Variants in ADARB2 observed in about 807,000 individuals in gnomAD.
ADARB2 encodes adenosine deaminase RNA specific B2 (inactive), also known as inactive double-stranded RNA-specific editase B2.
A neutral mutation model predicts 62.2 loss-of-function variants in ADARB2; 25 were observed. The observed-to-expected ratio is 0.40, with a 90% confidence interval of 0.29 to 0.56. ADARB2 has a LOEUF of 0.56. Ranked by LOEUF, ADARB2 falls within the 20% of genes least tolerant of loss-of-function variation. The pLI, the probability that ADARB2 is intolerant of heterozygous loss-of-function variation, is 0.43. For missense variants in ADARB2, 1,071 were observed against 1,077.4 expected (o/e 0.99, Z 0.08); for synonymous variants, 572 against 500.8 (o/e 1.14, Z -1.90).
chr10:1,287,354 C>T (rs1294822896), intron 3 of ADARB2, among the ~76,000 whole-genome samples: 1 of 152,208 alleles, frequency 6.6e-6, no homozygotes, highest in African/African-American at 2.4e-5. Context: ...ATCAGGCTGA[C>T]ATAGCCACCA....
At chr10:1,730,855 T>G (rs1416460723) in intron 1 of ADARB2, among the ~76,000 whole-genome samples, 1 of 152,222 alleles carries the variant, frequency 6.6e-6, no homozygotes, top group African/African-American at 2.4e-5. Flanking sequence ...ATGTATTTTA[T>G]AACCCAAAGA....
chr10:1,426,459 C>T lies in ADARB2; in HGVS notation c.101-47299G>A, dbSNP rs950803464. On this transcript the variant is annotated intron_variant, in intron 1 of 9. Transcript: ENST00000381312. The surrounding 1 kb of genome is among the most constrained non-coding windows in gnomAD (Gnocchi z 4.1). ...CTTCTGCGTGGCGATTTGGAGAACA[C>T]AGTCAGCATGCACACACATCATTCT... 2.6e-5 allele frequency among the ~76,000 whole-genome samples: 4 copies of T among 152,144 alleles called. No homozygotes were observed. The highest frequency in any genetic ancestry group is 9.6e-5 in the African/African-American group (4 of 41,456).
At chr10:1,695,860 G>A (rs1197304782) in intron 1 of ADARB2, among the ~76,000 whole-genome samples, 1 of 151,184 alleles carries the variant, frequency 6.6e-6, no homozygotes, top group East Asian at 1.9e-4. Flanking sequence ...GTGCATCCAT[G>A]TACACACACA....
intron 1 of ADARB2, among the ~76,000 whole-genome samples, chr10:1,390,450 T>C (rs1387430912): frequency 1.3e-5 from 2 of 152,194 alleles, no homozygotes; most frequent in Non-Finnish European, 2.9e-5. Flanking sequence ...TGTATGTAAA[T>C]TATACTTCCA....
At position 1,657,424 on chromosome 10, in the gene ADARB2, G is replaced by A. The variant is rs139812582; in HGVS notation, c.100+79627C>T. On this transcript the variant is annotated intron_variant, in intron 1 of 9. Transcript: ENST00000381312. ...TTTAAAATTCCTTCTTTTTAAAAGC[G>A]GTGAAAATGTAACACTTTCTCTTCC... 5.3e-5 allele frequency among the ~76,000 whole-genome samples: 8 copies of A among 152,146 alleles called. No homozygotes were observed. The East Asian group carries it at 9.7e-4, about 18-fold the overall frequency.
intron 3 of ADARB2, among the ~76,000 whole-genome samples, chr10:1,288,228 G>T (rs1017961452): frequency 1.3e-5 from 2 of 152,228 alleles, no homozygotes; most frequent in African/African-American, 4.8e-5. Context: ...TCGGGGAAAA[G>T]AATCAATCAG....
intron 1 of ADARB2, among the ~76,000 whole-genome samples, chr10:1,543,313 G>C (rs908632117): frequency 1.3e-5 from 2 of 152,366 alleles, no homozygotes; most frequent in Non-Finnish European, 2.9e-5. Flanking sequence ...CTCCAGGTGG[G>C]TCTGCAGTGC....
chr10:1,614,967 CAG>C (rs1486406283), intron 1 of ADARB2, among the ~76,000 whole-genome samples: 5 of 152,058 alleles, frequency 3.3e-5, no homozygotes, highest in African/African-American at 9.7e-5. Flanking sequence ...AAACTGGTCT[CAG>C]GGGTTTATGG....
chr10:1,273,855 C>T (rs1831288191), intron 3 of ADARB2, among the ~76,000 whole-genome samples: 1 of 152,206 alleles, frequency 6.6e-6, no homozygotes, highest in Non-Finnish European at 1.5e-5. Context: ...CATCCGGGCA[C>T]AGGGTTGATG....
intron 3 of ADARB2, among the ~76,000 whole-genome samples, chr10:1,273,358 T>A (rs371604218): frequency 1.1e-4 from 17 of 152,320 alleles, no homozygotes; most frequent in Admixed American, 2.0e-4. Flanking sequence ...ATTTTTGGGC[T>A]CAAATGATCC....
intron 7 of ADARB2, among the ~76,000 whole-genome samples, chr10:1,206,094 A>G (rs1046487315): frequency 2.0e-5 from 3 of 152,212 alleles, no homozygotes; most frequent in African/African-American, 7.2e-5. Flanking sequence ...TCCAGGCCAC[A>G]CATATCTCAT....
In ADARB2 at chr10:1,634,613, C is replaced by T. The variant is rs571791353; in HGVS notation, c.100+102438G>A. 5.3e-5 allele frequency among the ~76,000 whole-genome samples: 8 copies of T among 152,284 alleles called. No homozygotes were observed. The South Asian group carries it at 1.5e-3, about 28-fold the overall frequency. On this transcript the variant is annotated intron_variant, in intron 1 of 9. Transcript: ENST00000381312. ...CTGCCAAGTATTGTCATATACTTGG[C>T]AAGATTCCTGCACTGAATTCATGTT... is the stretch of plus-strand genomic sequence containing the variant.
At chr10:1,593,764 C>G (rs1833298160) in intron 1 of ADARB2, among the ~76,000 whole-genome samples, 1 of 152,168 alleles carries the variant, frequency 6.6e-6, no homozygotes, top group Non-Finnish European at 1.5e-5. Context: ...GCAACTTTTT[C>G]CAAGTTTATT....
chr10:1,214,620 C>T (rs546747296), intron 7 of ADARB2, among the ~76,000 whole-genome samples: 10 of 152,346 alleles, frequency 6.6e-5, no homozygotes, highest in Admixed American at 3.9e-4. Flanking sequence ...ATCCCAGGGA[C>T]GGCCAAGTTT....
At chr10:1,498,145 G>T (rs35517736) in intron 1 of ADARB2, among the ~76,000 whole-genome samples, 14,266 of 152,138 alleles carry the variant, frequency 0.094, 1,131 homozygotes, top group East Asian at 0.32. Context: ...GGCTGAGGCA[G>T]GTGGATCACC....
intron 1 of ADARB2, among the ~76,000 whole-genome samples, chr10:1,728,915 A>G (rs953706389): frequency 1.3e-5 from 2 of 152,222 alleles, no homozygotes; most frequent in Admixed American, 6.5e-5. Context: ...TCCTCATGCT[A>G]CTGTCTTGGA....
intron 1 of ADARB2, among the ~76,000 whole-genome samples, chr10:1,489,273 G>A (rs1831590241): frequency 6.7e-6 from 1 of 148,152 alleles, no homozygotes; most frequent in Admixed American, 6.6e-5. Context: ...CTTCTGCACC[G>A]GATGCACCTG....
chr10:1,373,268 T>C (rs758734601), intron 2 of ADARB2, among the ~76,000 whole-genome samples: 1 of 150,928 alleles, frequency 6.6e-6, no homozygotes, highest in Non-Finnish European at 1.5e-5. Flanking sequence ...TCTCGGTCTT[T>C]GTCTCACTGT....
chr10:1,311,368 A>C (rs773603907), intron 3 of ADARB2, among the ~76,000 whole-genome samples: 7 of 152,270 alleles, frequency 4.6e-5, no homozygotes, highest in Non-Finnish European at 8.8e-5. Context: ...AGGAGCAGGG[A>C]ATGGCTGGGG....
Sources: gnomAD v4.1 joint callset for allele counts (sites outside exome capture counted in the v4.1 genomes callset) on GRCh38, gnomAD v4.1.1 for gene constraint, Gnocchi (gnomAD v3.1) non-coding constraint, MANE v1.5 for transcripts, NCBI Gene and HGNC (gene_info 2026-07-23, HGNC 2026-07-21) for gene names.